RPTOR: variants seen among roughly 807,000 people sequenced by gnomAD.
RPTOR encodes regulatory-associated protein of mTOR.
A neutral mutation model predicts 169.9 loss-of-function variants in RPTOR; 21 were observed. The observed-to-expected ratio is 0.12, with a 90% CI of 0.09 to 0.18. The LOEUF (loss-of-function observed/expected upper bound fraction) is 0.18, where lower values mean the gene tolerates loss of function less well. Among genes scored for constraint, RPTOR ranks in the 10% least tolerant of loss-of-function variants. The pLI is 1.00. For synonymous variants in RPTOR, 732 were observed against 753.2 expected (o/e 0.97, Z 0.46); for missense variants, 1,133 against 1,855.9 (o/e 0.61, Z 7.16).
At chr17:80,666,322 C>T (rs1437492544) in intron 3 of RPTOR, among the ~76,000 whole-genome samples, 1 of 152,172 alleles carries the variant, frequency 6.6e-6, no homozygotes, top group Non-Finnish European at 1.5e-5. Flanking sequence ...CTTGTTCCCT[C>T]TCCCTCGATC....
At chr17:80,664,544 C>T (rs2065749212) in intron 3 of RPTOR, among the ~76,000 whole-genome samples, 1 of 152,088 alleles carries the variant, frequency 6.6e-6, no homozygotes, top group Non-Finnish European at 1.5e-5. Flanking sequence ...CTCTTCCTCA[C>T]CCCACTCTTC....
At chr17:80,950,567 C>T (rs1012786132) in intron 28 of RPTOR, among the ~76,000 whole-genome samples, 2 of 152,132 alleles carry the variant, frequency 1.3e-5, no homozygotes, top group African/African-American at 4.8e-5. Flanking sequence ...CCACACCCCG[C>T]ACTCCGTGGG....
intron 7 of RPTOR, among the ~76,000 whole-genome samples, chr17:80,815,136 G>A (rs948658755): frequency 3.3e-5 from 5 of 152,258 alleles, no homozygotes; most frequent in Admixed American, 3.3e-4. Context: ...TGGCAGCCGC[G>A]TGACTGTGCT....
chr17:80,743,177 T>A, intron 5 of RPTOR: 1 of 952,332 alleles, frequency 1.1e-6, no homozygotes, highest in South Asian at 4.8e-5. Context: ...ACCCTTCCTG[T>A]CTTCCCGTCT....
At chr17:80,922,210 A>G (rs9909367) in intron 21 of RPTOR, among the ~76,000 whole-genome samples, 36,925 of 152,170 alleles carry the variant, frequency 0.24, 4,920 homozygotes, top group African/African-American at 0.35. Flanking sequence ...TGAATGCCAC[A>G]TCGCCCGGCT....
At chr17:80,781,738 G>C (rs1175002545) in intron 6 of RPTOR, among the ~76,000 whole-genome samples, 1 of 152,226 alleles carries the variant, frequency 6.6e-6, no homozygotes, top group South Asian at 2.1e-4. Context: ...TATAGGGAGA[G>C]ACCTATTGCT....
At chr17:80,807,433 CT>C (rs2067229568) in intron 7 of RPTOR, among the ~76,000 whole-genome samples, 1 of 152,160 alleles carries the variant, frequency 6.6e-6, no homozygotes, top group Non-Finnish European at 1.5e-5. Flanking sequence ...TCACTGCAAC[CT>C]CCACCTCCCA....
In RPTOR at chr17:80,659,401, G is replaced by A. The variant is rs891382758; in HGVS notation, c.348+15591G>A. On this transcript the variant is annotated intron_variant, in intron 3 of 33. Transcript: ENST00000306801. This position sits in a 1 kb window ranked among gnomAD's most constrained non-coding sequence, Gnocchi z 4.3. ...GGCTGGGGTGCAGTGGTGCAATCAC[G>A]GGTCACCGCAGCCTCGACCTCCTGG... is the stretch of plus-strand genomic sequence containing the variant. Among the ~76,000 whole-genome samples, 1 of 152,236 alleles carries A rather than the reference G, an allele frequency of 6.6e-6. No individual in the cohort carries two copies. The highest frequency in any genetic ancestry group is 1.9e-4 in the East Asian group (1 of 5,184).
chr17:80,663,650 G>C (rs1464154295), intron 3 of RPTOR, among the ~76,000 whole-genome samples: 2 of 152,158 alleles, frequency 1.3e-5, no homozygotes, highest in African/African-American at 2.4e-5. Context: ...TATTTACCGT[G>C]TGGAAAATAA....
chr17:80,858,561 G>A (rs1340017782), intron 13 of RPTOR, among the ~76,000 whole-genome samples: 1 of 152,234 alleles, frequency 6.6e-6, no homozygotes, highest in Non-Finnish European at 1.5e-5. Flanking sequence ...GGTGCTGGCA[G>A]GGGTTGCAGG....
At position 80,556,019 on chromosome 17, in the gene RPTOR, G is replaced by GTT. The variant is rs143244019; in HGVS notation, c.162+10233_162+10234dup. ...AGGCTGAGCTGGGAGGATCTAAAAA[G>GTT]TTTTTTGTTTTTTTTTTCTTAAATC... On this transcript the variant is annotated intron_variant, in intron 1 of 33. Coordinates refer to ENST00000306801, the MANE Select transcript of RPTOR (RefSeq NM_020761.3). Among the ~76,000 whole-genome samples, 374 of 146,388 alleles carry GTT rather than the reference G, an allele frequency of 2.6e-3. 2 individuals carry two copies. Among genetic ancestry groups the GTT allele is most frequent in the Middle Eastern group, 7.1e-3 (2 of 280 alleles).
chr17:80,942,006 A>G (rs1332189317), intron 25 of RPTOR: 1 of 152,266 alleles, frequency 6.6e-6, no homozygotes, highest in Non-Finnish European at 1.5e-5. Context: ...CCCTCTGTGC[A>G]TCTGAAGAGC....
intron 21 of RPTOR, among the ~76,000 whole-genome samples, chr17:80,919,626 C>T (rs2068720532): frequency 6.6e-6 from 1 of 152,208 alleles, no homozygotes; most frequent in South Asian, 2.1e-4. Flanking sequence ...TCATTCCAGT[C>T]CCCGCTTCAG....
At chr17:80,564,236 G>C (rs2084544590) in intron 1 of RPTOR, among the ~76,000 whole-genome samples, 1 of 151,894 alleles carries the variant, frequency 6.6e-6, no homozygotes, top group South Asian at 2.1e-4. Flanking sequence ...CTAATTTTTT[G>C]TATTTTTAGT....
intron 7 of RPTOR, among the ~76,000 whole-genome samples, chr17:80,795,627 C>A (rs2067093768): frequency 6.6e-6 from 1 of 151,912 alleles, no homozygotes; most frequent in South Asian, 2.1e-4. Context: ...CAAAACACAC[C>A]CTGATTAGGG....
At chr17:80,883,577 AGG>A (rs976121769) in intron 15 of RPTOR, 93 bp downstream of exon 15, 1 of 818,262 alleles carries the variant, frequency 1.2e-6, no homozygotes. Flanking sequence ...CATGGGGGAC[AGG>A]GGGTGTCCAG....
intron 2 of RPTOR, among the ~76,000 whole-genome samples, chr17:80,639,092 A>G (rs1393471879): frequency 6.6e-6 from 1 of 152,132 alleles, no homozygotes; most frequent in Non-Finnish European, 1.5e-5. Context: ...ATAGACAGGG[A>G]TGGCATTATG....
In RPTOR at chr17:80,707,052, T is replaced by C. The variant is rs923102405; in HGVS notation, c.349-789T>C. Among the ~76,000 whole-genome samples the C allele has an allele frequency of 2.0e-5, 3 of 152,220 alleles. No individual in the cohort carries two copies. Among genetic ancestry groups the C allele is most frequent in the Non-Finnish European group, 4.4e-5 (3 of 68,038 alleles). ...TGTATATCAAGGCTATTGATTGTTC[T>C]CTGTCAGTTTTAGATTCTGCTCATT... On this transcript the variant is annotated intron_variant, in intron 3 of 33. Coordinates refer to ENST00000306801, the MANE Select transcript of RPTOR (RefSeq NM_020761.3). This position sits in a 1 kb window ranked among gnomAD's most constrained non-coding sequence, Gnocchi z 5.0.
chr17:80,901,083 G>A (rs2068470681), intron 20 of RPTOR, among the ~76,000 whole-genome samples: 1 of 152,224 alleles, frequency 6.6e-6, no homozygotes, highest in African/African-American at 2.4e-5. Context: ...CCTGGGTGCT[G>A]TCCACAGGCA....
Sources: allele counts gnomAD v4.1 joint callset (sites outside exome capture counted in the v4.1 genomes callset), GRCh38; gene constraint gnomAD v4.1.1; non-coding constraint Gnocchi (gnomAD v3.1); transcripts MANE v1.5; gene names NCBI Gene and HGNC (gene_info 2026-07-23, HGNC 2026-07-21).